ALK: variants seen among roughly 807,000 people sequenced by gnomAD.
ALK encodes ALK tyrosine kinase receptor.
ALK carries 74 observed loss-of-function variants against 163.1 expected under a neutral mutation model. That is an observed-to-expected ratio of 0.45 (90% CI 0.38 to 0.55). The LOEUF (loss-of-function observed/expected upper bound fraction) is 0.55, where lower values mean the gene tolerates loss of function less well. Among genes scored for constraint, ALK ranks in the 20% least tolerant of loss-of-function variants. The probability of loss-of-function intolerance (pLI) is 0.00; values close to 1 mark genes in which losing one functional copy is unlikely to be tolerated. For missense variants in ALK, 2,063 were observed against 2,105.3 expected (o/e 0.98, Z 0.39); for synonymous variants, 960 against 843.2 (o/e 1.14, Z -2.40).
intron 3 of ALK, among the ~76,000 whole-genome samples, chr2:29,571,221 AC>A (rs1383378878): frequency 6.6e-6 from 1 of 152,166 alleles, no homozygotes; most frequent in Non-Finnish European, 1.5e-5. Flanking sequence ...GCACCTAGAG[AC>A]CTACAGAGAG....
chr2:29,647,810 C>T (rs1368005521), intron 3 of ALK, among the ~76,000 whole-genome samples: 1 of 146,902 alleles, frequency 6.8e-6, no homozygotes, highest in East Asian at 2.0e-4. Flanking sequence ...AGTCACATGC[C>T]TCTCTATTAT....
chr2:29,297,063 AG>A lies in ALK; in HGVS notation c.1648-7del. 6.2e-7 allele frequency: 1 copy of A among 1,614,164 alleles called. No homozygotes were observed. The highest frequency in any genetic ancestry group is 8.5e-7 in the Non-Finnish European group (1 of 1,180,016). ...ATGAGCCAGGACATTCGGAGCTGTG[AG>A]GGCGAGAAGAGTCAGAGGACAAGGT... On this transcript the variant is annotated splice_region_variant and splice_polypyrimidine_tract_variant and intron_variant, in intron 8 of 28. Transcript: ENST00000389048.
At chr2:29,825,882 C>T (rs1327261017) in intron 1 of ALK, among the ~76,000 whole-genome samples, 2 of 151,942 alleles carry the variant, frequency 1.3e-5, no homozygotes, top group African/African-American at 4.8e-5. Context: ...AGAATCAAAA[C>T]AACAAAAAGG....
intron 1 of ALK, among the ~76,000 whole-genome samples, chr2:29,784,922 C>T (rs1457138792): frequency 2.6e-5 from 4 of 152,030 alleles, no homozygotes; most frequent in South Asian, 2.1e-4. Flanking sequence ...AGAAGACCTA[C>T]GAGAAATCCA....
At chr2:29,346,916 A>G (rs1030922717) in intron 5 of ALK, among the ~76,000 whole-genome samples, 1 of 152,188 alleles carries the variant, frequency 6.6e-6, no homozygotes, top group African/African-American at 2.4e-5. Context: ...CTGGGTCTTC[A>G]TTCCAATCAG....
At chr2:29,351,272 G>T (rs1346465129) in intron 5 of ALK, among the ~76,000 whole-genome samples, 1 of 152,142 alleles carries the variant, frequency 6.6e-6, no homozygotes. Flanking sequence ...ACTGAGGAGA[G>T]ATGTATGGAA....
At chr2:29,363,371 C>A (rs906925431) in intron 5 of ALK, among the ~76,000 whole-genome samples, 2 of 152,222 alleles carry the variant, frequency 1.3e-5, no homozygotes, top group Non-Finnish European at 2.9e-5. Context: ...GGAGGCATAG[C>A]CTTCTCCATG....
chr2:29,830,249 C>T (rs1279874245), intron 1 of ALK, among the ~76,000 whole-genome samples: 2 of 152,202 alleles, frequency 1.3e-5, no homozygotes, highest in East Asian at 1.9e-4. Flanking sequence ...TTTTCCCTTC[C>T]AATTGAATTA....
chr2:29,650,231 T>G (rs1677000539), intron 3 of ALK, among the ~76,000 whole-genome samples: 1 of 152,188 alleles, frequency 6.6e-6, no homozygotes, highest in South Asian at 2.1e-4. Context: ...ATAAAAGTCC[T>G]AATCTTCTAA....
intron 3 of ALK, among the ~76,000 whole-genome samples, chr2:29,651,740 T>C (rs1201669624): frequency 6.6e-6 from 1 of 152,032 alleles, no homozygotes; most frequent in South Asian, 2.1e-4. Context: ...CAGCAGCAAC[T>C]TCTTTTGTAC....
rs1667974759 is a variant in ALK, at chr2:29,920,663, G to A, written c.-4C>T. ...ACAGGAGCCCGATGGCTCCCATCCC[G>A]CCGGAGGAGGCCGTTTACACTGCTC... On this transcript the variant is annotated 5_prime_UTR_variant, in exon 1 of 29. Coordinates refer to ENST00000389048, the MANE Select transcript of ALK (RefSeq NM_004304.5). 1.3e-6 allele frequency: 2 copies of A among 1,534,392 alleles called. No individual in the cohort carries two copies. The highest frequency in any genetic ancestry group is 1.4e-5 in the African/African-American group (1 of 73,140).
chr2:29,636,222 A>G (rs1168928816), intron 3 of ALK, among the ~76,000 whole-genome samples: 1 of 152,158 alleles, frequency 6.6e-6, no homozygotes, highest in Non-Finnish European at 1.5e-5. Context: ...ACATACAAAT[A>G]TGCCCATATT....
At chr2:29,870,984 A>C (rs534337224) in intron 1 of ALK, among the ~76,000 whole-genome samples, 278 of 152,330 alleles carry the variant, frequency 1.8e-3, no homozygotes, top group Middle Eastern at 3.4e-3. Context: ...TTTTGGAGGA[A>C]AGTGAGGAAT....
At chr2:29,571,159 G>C (rs1310685606) in intron 3 of ALK, among the ~76,000 whole-genome samples, 1 of 152,134 alleles carries the variant, frequency 6.6e-6, no homozygotes, top group Non-Finnish European at 1.5e-5. Context: ...TTTGCAGAGA[G>C]AGCTAAGGAC....
chr2:29,681,793 C>T (rs1004323838), intron 3 of ALK, among the ~76,000 whole-genome samples: 17 of 150,454 alleles, frequency 1.1e-4, no homozygotes, highest in African/African-American at 4.1e-4. Context: ...CTTTATTTCA[C>T]TCCATCTAGA....
At chr2:29,833,659 G>T (rs1196636626) in intron 1 of ALK, among the ~76,000 whole-genome samples, 1 of 152,126 alleles carries the variant, frequency 6.6e-6, no homozygotes, top group Non-Finnish European at 1.5e-5. Flanking sequence ...CATGTTCCAG[G>T]CATTTTAGCT....
rs1236429958 is a variant in ALK, at chr2:29,314,600, G to A, written c.1647+3704C>T. On this transcript the variant is annotated intron_variant, in intron 8 of 28. Transcript: ENST00000389048. ...GGAACTGACCACCACAAATTGGGGG[G>A]ATCCCATCTCATTTTTGGATCAAAT... Among the ~76,000 whole-genome samples, 2 of 152,104 alleles carry A rather than the reference G, an allele frequency of 1.3e-5. 1 individual carries two copies. The highest frequency in any genetic ancestry group is 2.9e-5 in the Non-Finnish European group (2 of 68,026).
chr2:29,668,869 C>T (rs970225463), intron 3 of ALK, among the ~76,000 whole-genome samples: 4 of 152,108 alleles, frequency 2.6e-5, no homozygotes, highest in Admixed American at 6.6e-5. Flanking sequence ...GCACATCTTA[C>T]TTGGTGGCAG....
chr2:29,280,301 A>G (rs1374288371), intron 9 of ALK, among the ~76,000 whole-genome samples: 2 of 151,842 alleles, frequency 1.3e-5, no homozygotes, highest in African/African-American at 4.8e-5. Context: ...AAGTTTTAGT[A>G]TGTACCATGT....
Sources: allele counts gnomAD v4.1 joint callset (sites outside exome capture counted in the v4.1 genomes callset), GRCh38; gene constraint gnomAD v4.1.1; transcripts MANE v1.5; gene names NCBI Gene and HGNC (gene_info 2026-07-23, HGNC 2026-07-21).